SGCZ: variants seen among roughly 807,000 people sequenced by gnomAD.
The protein encoded by SGCZ is zeta-sarcoglycan.
SGCZ carries 40 observed loss-of-function variants against 41.3 expected under a neutral mutation model. The observed-to-expected ratio is 0.97, with a 90% CI of 0.75 to 1.26. SGCZ has a LOEUF of 1.26. SGCZ is among the 50% of genes most tolerant of loss of function. The pLI is 0.00. For missense variants in SGCZ, 552 were observed against 369.8 expected (o/e 1.49, Z -4.04); for synonymous variants, 206 against 137.5 (o/e 1.50, Z -3.49).
At position 15,151,009 on chromosome 8, in the gene SGCZ, G is replaced by A. The variant is rs1217044890; in HGVS notation, c.39+86576C>T. ...GCAGAAATTATGGGCACTAAGTGGT[G>A]GACCTATTGGCTTCTATCTTACGTT... On this transcript the variant is annotated intron_variant, in intron 1 of 7. Transcript: ENST00000382080. Among the ~76,000 whole-genome samples, 7 of 152,270 alleles carry A rather than the reference G, an allele frequency of 4.6e-5. No individual in the cohort carries two copies. The East Asian group carries it at 1.4e-3, about 29-fold the overall frequency.
At chr8:14,765,794 T>TA (rs1259369389) in intron 1 of SGCZ, among the ~76,000 whole-genome samples, 4 of 152,072 alleles carry the variant, frequency 2.6e-5, no homozygotes, top group Non-Finnish European at 5.9e-5. Context: ...GCAGACACAG[T>TA]AAAAATCCCA....
chr8:14,401,962 T>C (rs1262164739), intron 2 of SGCZ, among the ~76,000 whole-genome samples: 5 of 151,662 alleles, frequency 3.3e-5, no homozygotes, highest in Non-Finnish European at 5.9e-5. Context: ...GTTTCCTGAC[T>C]TTTTAATGAT....
intron 1 of SGCZ, among the ~76,000 whole-genome samples, chr8:14,820,156 C>T (rs1325635957): frequency 6.6e-6 from 1 of 151,842 alleles, no homozygotes; most frequent in Non-Finnish European, 1.5e-5. Flanking sequence ...TAATTAAAGA[C>T]AAACATCAAC....
intron 1 of SGCZ, among the ~76,000 whole-genome samples, chr8:14,739,107 T>C (rs961251672): frequency 1.3e-5 from 2 of 152,102 alleles, no homozygotes; most frequent in African/African-American, 4.8e-5. Flanking sequence ...TAATTACTAC[T>C]GTGTATGTGT....
At chr8:14,611,736 G>A (rs1805936392) in intron 1 of SGCZ, among the ~76,000 whole-genome samples, 1 of 152,024 alleles carries the variant, frequency 6.6e-6, no homozygotes, top group Admixed American at 6.6e-5. Context: ...AAATCCTAAT[G>A]TGACCTATGC....
intron 1 of SGCZ, among the ~76,000 whole-genome samples, chr8:14,970,236 T>C (rs1657043782): frequency 6.6e-6 from 1 of 152,188 alleles, no homozygotes; most frequent in African/African-American, 2.4e-5. Flanking sequence ...TTCTTAGAAC[T>C]TTTTATATAC....
chr8:14,949,949 G>T (rs534473864), intron 1 of SGCZ, among the ~76,000 whole-genome samples: 198 of 152,104 alleles, frequency 1.3e-3, no homozygotes, highest in African/African-American at 4.6e-3. Flanking sequence ...AAATAGAAGT[G>T]AACTGTTTTT....
chr8:14,641,238 T>C (rs1205460063), intron 1 of SGCZ, among the ~76,000 whole-genome samples: 1 of 151,692 alleles, frequency 6.6e-6, no homozygotes, highest in Non-Finnish European at 1.5e-5. Flanking sequence ...ACAGCTTTAC[T>C]TCAAATCAGC....
At chr8:14,998,326 G>C (rs1241730483) in intron 1 of SGCZ, among the ~76,000 whole-genome samples, 5 of 152,176 alleles carry the variant, frequency 3.3e-5, no homozygotes, top group Non-Finnish European at 7.3e-5. Flanking sequence ...AATACTCCTT[G>C]ATAGAAAGTT....
intron 1 of SGCZ, among the ~76,000 whole-genome samples, chr8:14,589,216 C>A (rs1417925041): frequency 6.6e-6 from 1 of 151,822 alleles, no homozygotes; most frequent in Non-Finnish European, 1.5e-5. Context: ...TGTGCTGGTG[C>A]ATGCCTATAA....
In SGCZ at chr8:14,125,170, T is replaced by C. The variant is rs117813763; in HGVS notation, c.548-16935A>G. On this transcript the variant is annotated intron_variant, in intron 5 of 7. Coordinates refer to ENST00000382080, the MANE Select transcript of SGCZ (RefSeq NM_139167.4). Reference sequence around the variant, plus strand: ...CACAAAGAAATGGGAAAACATTCCATCCTCATGCATAGTAAGAATCACTAT... The same window carrying C: ...CACAAAGAAATGGGAAAACATTCCACCCTCATGCATAGTAAGAATCACTAT... 3.3e-5 allele frequency among the ~76,000 whole-genome samples: 5 copies of C among 152,212 alleles called. No individual in the cohort carries two copies. In the East Asian group the frequency reaches 7.8e-4, roughly 24 times the overall value.
chr8:14,957,392 G>C lies in SGCZ; in HGVS notation c.39+280193C>G, dbSNP rs538283078. On this transcript the variant is annotated intron_variant, in intron 1 of 7. Coordinates refer to ENST00000382080, the MANE Select transcript of SGCZ (RefSeq NM_139167.4). ...GGGAAATTCATATCTACCTTTTTTAGATGTATTTTTCATAAAACTTATGGT... is the reference window on the plus strand; with the variant it reads ...GGGAAATTCATATCTACCTTTTTTACATGTATTTTTCATAAAACTTATGGT... 2.6e-5 allele frequency among the ~76,000 whole-genome samples: 4 copies of C among 151,996 alleles called. No individual in the cohort carries two copies. The East Asian group carries it at 5.8e-4, about 22-fold the overall frequency.
At chr8:14,563,157 C>G (rs935064967) in intron 1 of SGCZ, among the ~76,000 whole-genome samples, 1 of 152,186 alleles carries the variant, frequency 6.6e-6, no homozygotes, top group African/African-American at 2.4e-5. Flanking sequence ...AGTGTGCTTC[C>G]TCAGAGCCTC....
intron 5 of SGCZ, among the ~76,000 whole-genome samples, chr8:14,158,116 A>C (rs897905231): frequency 6.0e-5 from 9 of 150,908 alleles, no homozygotes; most frequent in African/African-American, 2.2e-4. Flanking sequence ...TTTTTTCCTC[A>C]TCAAAACCCT....
At chr8:15,036,694 A>C (rs1052145145) in intron 1 of SGCZ, among the ~76,000 whole-genome samples, 1 of 152,164 alleles carries the variant, frequency 6.6e-6, no homozygotes, top group Non-Finnish European at 1.5e-5. Flanking sequence ...AAATTCTTCC[A>C]AAAAATTGAA....
chr8:14,776,518 C>CTTTTTTTTT (rs35602866), intron 1 of SGCZ, among the ~76,000 whole-genome samples: 11 of 116,634 alleles, frequency 9.4e-5, no homozygotes, highest in Non-Finnish European at 1.7e-4. Flanking sequence ...TTTTCTTTTT[C>CTTTTTTTTT]TTTTTTTTTT....
At chr8:15,108,526 T>C (rs1205899901) in intron 1 of SGCZ, among the ~76,000 whole-genome samples, 3 of 152,204 alleles carry the variant, frequency 2.0e-5, no homozygotes, top group Non-Finnish European at 4.4e-5. Context: ...ACAACTGTGC[T>C]AAGAGCTCAG....
chr8:14,919,008 G>T (rs1585378605), intron 1 of SGCZ, among the ~76,000 whole-genome samples: 1 of 152,156 alleles, frequency 6.6e-6, no homozygotes, highest in East Asian at 1.9e-4. Context: ...TGTGACCTTG[G>T]ATAAGACTTT....
intron 2 of SGCZ, among the ~76,000 whole-genome samples, chr8:14,512,625 ATT>A (rs60292106): frequency 4.2e-4 from 63 of 150,284 alleles, no homozygotes; most frequent in African/African-American, 1.1e-3. Context: ...ACACCTGGCT[ATT>A]TTTTTTTTTA....
Sources: allele counts gnomAD v4.1 joint callset (sites outside exome capture counted in the v4.1 genomes callset), GRCh38; gene constraint gnomAD v4.1.1; transcripts MANE v1.5; gene names NCBI Gene and HGNC (gene_info 2026-07-23, HGNC 2026-07-21).